The following MED13 variants were observed in gnomAD, a reference collection of about 807,000 sequenced individuals.
MED13 encodes the protein mediator of RNA polymerase II transcription subunit 13.
A neutral mutation model predicts 225.2 loss-of-function variants in MED13; 23 were observed. The ratio of observed to expected loss-of-function variants is 0.10; its 90% CI spans 0.07 to 0.14. The LOEUF is 0.14. Ranked by LOEUF, MED13 falls within the 10% of genes least tolerant of loss-of-function variation. The pLI is 1.00. For synonymous variants in MED13, 942 were observed against 889.2 expected (o/e 1.06, Z -1.06); for missense variants, 2,197 against 2,594.5 (o/e 0.85, Z 3.33).
At chr17:61,958,955 G>C (rs1430550407) in intron 23 of MED13, among the ~76,000 whole-genome samples, 1 of 151,862 alleles carries the variant, frequency 6.6e-6, no homozygotes, top group Admixed American at 6.6e-5. Flanking sequence ...GTCAGTAGTG[G>C]CAGGTTTGGG....
At chr17:62,046,837 C>CA (rs892408853) in intron 3 of MED13, among the ~76,000 whole-genome samples, 42 of 141,944 alleles carry the variant, frequency 3.0e-4, no homozygotes, top group Middle Eastern at 3.5e-3. Flanking sequence ...GACCTTATCT[C>CA]AAAAAAAAAA....
chr17:62,037,119 G>A (rs561703256), intron 3 of MED13, among the ~76,000 whole-genome samples: 11 of 152,212 alleles, frequency 7.2e-5, no homozygotes, highest in Admixed American at 2.6e-4. Flanking sequence ...CAGGCGCAGT[G>A]GCAGGTGCCT....
intron 3 of MED13, among the ~76,000 whole-genome samples, chr17:62,039,786 G>A (rs943944278): frequency 5.9e-5 from 9 of 151,860 alleles, no homozygotes; most frequent in South Asian, 2.1e-4. Context: ...TAGTAGAGAC[G>A]GGGTTTTGCC....
At position 62,033,756 on chromosome 17, in the gene MED13, T is replaced by C. The variant is rs781126994; in HGVS notation, c.814+31A>G. 3 of 1,597,302 alleles carry C rather than the reference T, an allele frequency of 1.9e-6. No individual in the cohort carries two copies. The South Asian group carries it at 3.3e-5, about 18-fold the overall frequency. ...AACTAACACATACAATCATGCATTTTCCCCTTAGGAATAATACTCAGGATC... is the reference window on the plus strand; with the variant it reads ...AACTAACACATACAATCATGCATTTCCCCCTTAGGAATAATACTCAGGATC... On this transcript the variant is annotated intron_variant, in intron 5 of 29. Coordinates refer to ENST00000397786, the MANE Select transcript of MED13 (RefSeq NM_005121.3).
chr17:61,997,584 A>C (rs993314613), intron 9 of MED13, among the ~76,000 whole-genome samples: 1 of 152,186 alleles, frequency 6.6e-6, no homozygotes, highest in African/African-American at 2.4e-5. Flanking sequence ...TTAAGATAAG[A>C]AGCAAAGGGT....
At chr17:62,024,736 C>T (rs1160387923) in intron 8 of MED13, among the ~76,000 whole-genome samples, 4 of 152,170 alleles carry the variant, frequency 2.6e-5, no homozygotes, top group Admixed American at 2.6e-4. Flanking sequence ...TTCTTTGTGT[C>T]CATGAGTTCT....
chr17:61,980,657 C>A (rs938552117), intron 16 of MED13, among the ~76,000 whole-genome samples: 1 of 152,162 alleles, frequency 6.6e-6, no homozygotes, highest in Non-Finnish European at 1.5e-5. Flanking sequence ...AAGCTACCAT[C>A]ATCTTTCACC....
intron 28 of MED13, 147 bp from the exon 29 acceptor site, chr17:61,947,164 G>C: frequency 2.4e-6 from 1 of 422,216 alleles, no homozygotes; most frequent in East Asian, 4.2e-5. Context: ...AAAAATGCTT[G>C]TTCTCTTTTA....
At chr17:61,973,710 A>G (rs1304886839) in intron 16 of MED13, among the ~76,000 whole-genome samples, 2 of 152,172 alleles carry the variant, frequency 1.3e-5, no homozygotes, top group African/African-American at 2.4e-5. Flanking sequence ...GGCTGGGCCC[A>G]GTGGCTCACA....
At chr17:62,038,417 C>T (rs1304977957) in intron 3 of MED13, among the ~76,000 whole-genome samples, 2 of 151,014 alleles carry the variant, frequency 1.3e-5, no homozygotes, top group Admixed American at 1.3e-4. Context: ...TTTCTCATGA[C>T]AAAGCATTTT....
chr17:62,023,839 G>C (rs916095234), intron 8 of MED13, among the ~76,000 whole-genome samples: 10 of 152,040 alleles, frequency 6.6e-5, no homozygotes, highest in African/African-American at 2.2e-4. Flanking sequence ...CTAGATTTGT[G>C]GTGGGCAGAA....
chr17:62,029,585 C>T lies in MED13; in HGVS notation c.1239G>A (p.Trp413Ter). The change falls in exon 8 of 30, where the codon TGG becomes TGA. Residue 413 changes from tryptophan to a stop codon, truncating the protein, a stop_gained. Coordinates refer to ENST00000397786, the MANE Select transcript of MED13 (RefSeq NM_005121.3). LOFTEE classifies it high-confidence loss of function. ...EEATAAKVAS[W>*]DFVEATQRTN... ...TTCTTTGTGTGGCTTCAACAAAATC[C>T]CAGGATGCCACTTTAGCAGCTGTCG... 6.2e-7 allele frequency: 1 copy of T among 1,614,126 alleles called. No individual in the cohort carries two copies.
intron 11 of MED13, among the ~76,000 whole-genome samples, chr17:61,989,607 G>A (rs2080278062): frequency 2.6e-5 from 4 of 152,320 alleles, no homozygotes; most frequent in Middle Eastern, 3.4e-3. Flanking sequence ...CAAAGTGCTC[G>A]GATTACAGGC....
chr17:61,996,768 C>T (rs1008129903), intron 9 of MED13, among the ~76,000 whole-genome samples: 1 of 152,170 alleles, frequency 6.6e-6, no homozygotes, highest in African/African-American at 2.4e-5. Context: ...TATCTTTTAA[C>T]ATATTACATA....
At chr17:62,050,400 G>A (rs990443192) in intron 3 of MED13, among the ~76,000 whole-genome samples, 4 of 151,214 alleles carry the variant, frequency 2.6e-5, no homozygotes, top group African/African-American at 9.7e-5. Flanking sequence ...AAAGAAGTGT[G>A]TGCAAAAGTG....
chr17:62,055,397 CA>C (rs543829265), intron 2 of MED13, among the ~76,000 whole-genome samples: 110 of 137,096 alleles, frequency 8.0e-4, no homozygotes, highest in African/African-American at 2.5e-3. Context: ...CTCAAAAAAA[CA>C]AAAAAAAAAA....
chr17:61,957,801 G>A (rs1414440113), intron 23 of MED13, among the ~76,000 whole-genome samples: 1 of 152,196 alleles, frequency 6.6e-6, no homozygotes, highest in Non-Finnish European at 1.5e-5. Context: ...CATGTTTTCT[G>A]CATACATGTC....
At chr17:61,975,172 T>G (rs1276675620) in intron 16 of MED13, among the ~76,000 whole-genome samples, 1 of 147,434 alleles carries the variant, frequency 6.8e-6, no homozygotes. Flanking sequence ...CAATCCAGAG[T>G]ACAGGAGAAA....
Position 62,065,272 on chromosome 17 carries a change from G to A in MED13, c.-67C>T, listed in dbSNP as rs1603411183. ...CCGCCATTACCGCCGCCTCCGACCAGAGAGAGAAACACAGACACCGGGGAG... is the reference window on the plus strand; with the variant it reads ...CCGCCATTACCGCCGCCTCCGACCAAAGAGAGAAACACAGACACCGGGGAG... On this transcript the variant is annotated 5_prime_UTR_variant, in exon 1 of 30. Transcript: ENST00000397786. 10 of 856,266 alleles carry A rather than the reference G, an allele frequency of 1.2e-5. No individual in the cohort carries two copies. In the East Asian group the frequency reaches 5.4e-4, roughly 46 times the overall value. The allele number at this position is 856,266 out of a possible 1,614,324, so 53.0% of individuals were successfully genotyped here.
Sources: gnomAD v4.1 joint callset for allele counts (sites outside exome capture counted in the v4.1 genomes callset) on GRCh38, gnomAD v4.1.1 for gene constraint, MANE v1.5 for transcripts, NCBI Gene and HGNC (gene_info 2026-07-23, HGNC 2026-07-21) for gene names.